SAMD5: variants seen among roughly 807,000 people sequenced by gnomAD.
SAMD5 encodes sterile alpha motif domain-containing protein 5.
Under a neutral mutation model 11.3 loss-of-function variants are expected in SAMD5, and 13 were observed. That is an observed-to-expected ratio of 1.15 (90% CI 0.75 to 1.83). The LOEUF is 1.83. Among genes scored for constraint, SAMD5 ranks in the 40% most tolerant of loss-of-function variants. The probability of loss-of-function intolerance (pLI) is 0.00; values close to 1 mark genes in which losing one functional copy is unlikely to be tolerated. For missense variants in SAMD5, 255 were observed against 239.1 expected (o/e 1.07, Z -0.44); for synonymous variants, 129 against 111.3 (o/e 1.16, Z -1.00).
chr6:147,701,333 T>C (rs1196093816), intron 1 of SAMD5, among the ~76,000 whole-genome samples: 1 of 152,154 alleles, frequency 6.6e-6, no homozygotes, highest in Non-Finnish European at 1.5e-5. Flanking sequence ...CTAAGCAAGA[T>C]ATAAATATTT....
At chr6:147,601,153 T>C (rs975714941) in intron 1 of SAMD5, among the ~76,000 whole-genome samples, 5 of 152,216 alleles carry the variant, frequency 3.3e-5, no homozygotes, top group African/African-American at 9.6e-5. Context: ...GCTCCTCCAG[T>C]GGAGCATGTT....
the SAMD5 span, among the ~76,000 whole-genome samples, chr6:147,840,533 C>T: frequency 1.3e-5 from 2 of 152,112 alleles, no homozygotes; most frequent in Non-Finnish European, 2.9e-5. Context: ...GAAGAAAGAA[C>T]TCAACAGGAA....
intron 1 of SAMD5, among the ~76,000 whole-genome samples, chr6:147,594,064 G>T (rs137858090): frequency 2.6e-5 from 4 of 151,914 alleles, no homozygotes; most frequent in African/African-American, 7.2e-5. Context: ...GGGAGATGGA[G>T]GTTGCACTGA....
At chr6:147,904,982 G>A in the SAMD5 span, among the ~76,000 whole-genome samples, 2 of 151,320 alleles carry the variant, frequency 1.3e-5, no homozygotes, top group East Asian at 3.9e-4. Flanking sequence ...TCTGCCTCCT[G>A]GATTCAAGCA....
chr6:147,763,229 G>A, the SAMD5 span, among the ~76,000 whole-genome samples: 5 of 151,782 alleles, frequency 3.3e-5, no homozygotes, highest in South Asian at 2.1e-4. Context: ...ACACAATCTC[G>A]GCCCACTGCA....
At position 147,565,923 on chromosome 6, in the gene SAMD5, A is replaced by T; in HGVS notation, c.*1467A>T. The T allele has an allele frequency of 1.8e-5, 18 of 985,398 alleles. No homozygotes were observed. The highest frequency in any genetic ancestry group is 2.2e-5 in the Non-Finnish European group (18 of 829,896). 61.0% of individuals were successfully genotyped at this position (985,398 alleles called of 1,614,324 possible). On this transcript the variant is annotated 3_prime_UTR_variant, in exon 2 of 2. Transcript: ENST00000367474. Reference sequence around the variant, plus strand: ...GTAGTACTGCATTACGGAATCTACTACTTAGAAGAATGTACAAGATGTAAG... The same window carrying T: ...GTAGTACTGCATTACGGAATCTACTTCTTAGAAGAATGTACAAGATGTAAG...
intron 1 of SAMD5, among the ~76,000 whole-genome samples, chr6:147,607,766 G>A (rs1425145360): frequency 6.6e-6 from 1 of 152,100 alleles, no homozygotes; most frequent in Admixed American, 6.6e-5. Context: ...ACAAGCACAG[G>A]CAACCAAAGC....
At position 147,736,056 on chromosome 6, in the gene SAMD5, G is replaced by A. The variant is rs555683832; in HGVS notation, c.163-1261G>A. Among the ~76,000 whole-genome samples the A allele has an allele frequency of 7.2e-5, 11 of 152,242 alleles. No homozygotes were observed. In the South Asian group the frequency reaches 2.3e-3, roughly 32 times the overall value. ...GTATTAAGGTCCTACCATAATACTT[G>A]GCACAGTTAAGAGACTGGAGGCAGG... On this transcript the variant is annotated intron_variant, in intron 1 of 1. Transcript: ENST00000566741.
chr6:147,689,971 G>T (rs2128456965), intron 1 of SAMD5, among the ~76,000 whole-genome samples: 1 of 152,252 alleles, frequency 6.6e-6, no homozygotes, highest in South Asian at 2.1e-4. Flanking sequence ...TTCCTTGACG[G>T]TTAATAGTTT....
the SAMD5 span, among the ~76,000 whole-genome samples, chr6:147,749,655 T>G: frequency 3.9e-5 from 6 of 152,232 alleles, no homozygotes; most frequent in Admixed American, 3.9e-4. Flanking sequence ...ATGATAGATG[T>G]GAATGGCAAA....
the SAMD5 span, among the ~76,000 whole-genome samples, chr6:147,818,617 C>T: frequency 2.6e-5 from 4 of 152,190 alleles, no homozygotes; most frequent in Middle Eastern, 6.3e-3. Flanking sequence ...ATCCAACACT[C>T]CTTCCAGGAT....
At chr6:147,746,792 C>T in the SAMD5 span, among the ~76,000 whole-genome samples, 169 of 152,256 alleles carry the variant, frequency 1.1e-3, no homozygotes, top group African/African-American at 3.9e-3. Context: ...AGGACTAGTA[C>T]GTTTTACTAA....
the SAMD5 span, among the ~76,000 whole-genome samples, chr6:147,888,017 C>T: frequency 3.3e-5 from 5 of 151,980 alleles, no homozygotes; most frequent in African/African-American, 1.2e-4. Context: ...TTTTTATTAC[C>T]AAATACTGAG....
chr6:147,940,743 A>T, the SAMD5 span, among the ~76,000 whole-genome samples: 1 of 152,162 alleles, frequency 6.6e-6, no homozygotes, highest in Non-Finnish European at 1.5e-5. Context: ...CAGGTGGATC[A>T]CTTGAGGTCA....
At chr6:147,563,090 C>A (rs77246003) in intron 1 of SAMD5, among the ~76,000 whole-genome samples, 3,854 of 152,246 alleles carry the variant, frequency 0.025, 78 homozygotes, top group Middle Eastern at 0.037. Flanking sequence ...AGTATTACAG[C>A]AAAATAGGAT....
chr6:147,749,860 CTAGATG>C, the SAMD5 span, among the ~76,000 whole-genome samples: 1 of 152,146 alleles, frequency 6.6e-6, no homozygotes, highest in Non-Finnish European at 1.5e-5. Flanking sequence ...GAGTGTGGTT[CTAGATG>C]TATATATACA....
At chr6:147,811,391 G>A in the SAMD5 span, among the ~76,000 whole-genome samples, 1 of 152,190 alleles carries the variant, frequency 6.6e-6, no homozygotes, top group South Asian at 2.1e-4. Context: ...AGGTAAAAAA[G>A]GTAAGTTCTG....
intron 1 of SAMD5, among the ~76,000 whole-genome samples, chr6:147,651,540 A>C (rs1790483122): frequency 1.3e-5 from 2 of 152,160 alleles, no homozygotes; most frequent in Admixed American, 6.5e-5. Flanking sequence ...GAGCCCTTAC[A>C]AAAGAAGCAC....
the SAMD5 span, among the ~76,000 whole-genome samples, chr6:147,917,917 C>T: frequency 6.6e-5 from 10 of 152,064 alleles, no homozygotes; most frequent in Non-Finnish European, 1.0e-4. Flanking sequence ...ATTGGTCTAT[C>T]GCTCTGTTTG....
Sources: gnomAD v4.1 joint callset for allele counts (sites outside exome capture counted in the v4.1 genomes callset) on GRCh38, gnomAD v4.1.1 for gene constraint, MANE v1.5 for transcripts, NCBI Gene and HGNC (gene_info 2026-07-23, HGNC 2026-07-21) for gene names.